The following RAB30 variants were observed in gnomAD, a reference collection of about 807,000 sequenced individuals.
The protein encoded by RAB30 is RAB30, member RAS oncogene family.
RAB30 carries 9 observed loss-of-function variants against 25.1 expected under a neutral mutation model. The ratio of observed to expected loss-of-function variants is 0.36; its 90% CI spans 0.22 to 0.63. The LOEUF (loss-of-function observed/expected upper bound fraction) is 0.63. Among genes scored for constraint, RAB30 ranks in the 20% least tolerant of loss-of-function variants. The pLI is 0.69. For missense variants in RAB30, 140 were observed against 243.5 expected, an observed-to-expected ratio of 0.58 and a Z score of 2.83; for synonymous variants, 77 against 86.4, an observed-to-expected ratio of 0.89 and a Z score of 0.60.
At chr11:83,026,167 G>C (rs939126172) in intron 1 of RAB30, among the ~76,000 whole-genome samples, 1 of 150,142 alleles carries the variant, frequency 6.7e-6, no homozygotes, top group Non-Finnish European at 1.5e-5. Context: ...CTCCCACCTA[G>C]GCTACACAGC....
rs574573169 is a variant in RAB30, at chr11:83,006,458, G to A, written c.-8-9134C>T. Among the ~76,000 whole-genome samples, 69 of 152,244 alleles carry A rather than the reference G, an allele frequency of 4.5e-4. 1 individual carries two copies. Among genetic ancestry groups the A allele is most frequent in the African/African-American group, 1.5e-3 (61 of 41,522 alleles). On this transcript the variant is annotated intron_variant, in intron 1 of 4. Coordinates refer to ENST00000527633, the MANE Select transcript of RAB30 (RefSeq NM_001286060.2). ...TGTGTTTACAGTATGAAGAAAGGGC[G>A]GGGGCATATGATTCTATATCTGTAT...
chr11:82,998,498 A>G (rs1274823878), intron 1 of RAB30, among the ~76,000 whole-genome samples: 1 of 149,988 alleles, frequency 6.7e-6, no homozygotes, highest in Non-Finnish European at 1.5e-5. Context: ...CAGTGAGCCG[A>G]GATCACACCA....
At chr11:83,032,139 C>G (rs1428765461) in intron 1 of RAB30, among the ~76,000 whole-genome samples, 1 of 151,830 alleles carries the variant, frequency 6.6e-6, no homozygotes, top group Non-Finnish European at 1.5e-5. Flanking sequence ...TAGTAGTGAT[C>G]CTTATTTCCT....
Position 82,991,700 on chromosome 11 carries a change from T to C in RAB30, c.177+2339A>G, listed in dbSNP as rs116181971. On this transcript the variant is annotated intron_variant, in intron 3 of 4. Coordinates refer to ENST00000527633, the MANE Select transcript of RAB30 (RefSeq NM_001286060.2). ...CTTGAAAGAATCACAGGCAAGTTGATTTGGACTGGATTTGGGAGATGAGCC... is the reference window on the plus strand; with the variant it reads ...CTTGAAAGAATCACAGGCAAGTTGACTTGGACTGGATTTGGGAGATGAGCC... Among the ~76,000 whole-genome samples, 1,396 of 152,198 alleles carry C rather than the reference T, an allele frequency of 9.2e-3. 14 individuals carry two copies. Among genetic ancestry groups the C allele is most frequent in the Middle Eastern group, 0.044 (13 of 294 alleles).
chr11:83,000,870 T>C (rs1223645120), intron 1 of RAB30, among the ~76,000 whole-genome samples: 1 of 118,204 alleles, frequency 8.5e-6, no homozygotes, highest in Non-Finnish European at 1.7e-5. Context: ...TGAAACCCCG[T>C]CTCTACTAAA....
chr11:83,064,022 T>C (rs1301517829), intron 1 of RAB30, among the ~76,000 whole-genome samples: 7 of 152,228 alleles, frequency 4.6e-5, no homozygotes, highest in Non-Finnish European at 1.5e-5. Flanking sequence ...CATCAAAATC[T>C]AACAGTTGAT....
In RAB30 at chr11:82,982,338, A is replaced by G. The variant is rs1239234790; in HGVS notation, c.439T>C (p.Tyr147His). 3 of 1,614,208 alleles carry G rather than the reference A, an allele frequency of 1.9e-6. No individual in the cohort carries two copies. The highest frequency in any genetic ancestry group is 2.5e-6 in the Non-Finnish European group (3 of 1,180,008). ...TCCTTGGCTGAGGTCTCCAGATAAT[A>G]CATGTCCTGAGCTTCTGAGAATTCT... ...AEEFSEAQDM[Y>H]YLETSAKESD... Residue 147 changes from tyrosine (Y) to histidine (H), a missense_variant, in exon 5 of 5, where the codon TAT (tyrosine) becomes CAT (histidine). Coordinates refer to ENST00000527633, the MANE Select transcript of RAB30 (RefSeq NM_001286060.2).
chr11:82,991,856 C>G (rs1856857561), intron 3 of RAB30, among the ~76,000 whole-genome samples: 2 of 152,078 alleles, frequency 1.3e-5, no homozygotes, highest in African/African-American at 4.8e-5. Context: ...ATGGTGGAGT[C>G]AGATGTTATA....
intron 1 of RAB30, among the ~76,000 whole-genome samples, chr11:83,046,075 T>C (rs1442002456): frequency 1.3e-5 from 2 of 152,216 alleles, no homozygotes; most frequent in African/African-American, 4.8e-5. Context: ...CTTTCTTCAG[T>C]AGTTGTCTGA....
At chr11:83,006,179 A>C (rs1267516013) in intron 1 of RAB30, among the ~76,000 whole-genome samples, 1 of 152,190 alleles carries the variant, frequency 6.6e-6, no homozygotes, top group Non-Finnish European at 1.5e-5. Flanking sequence ...ATTTAAAGCT[A>C]AAAACGCTAT....
In RAB30 at chr11:83,041,562, A is replaced by G. The variant is rs373924737; in HGVS notation, c.-9+30129T>C. The G allele has an allele frequency of 7.8e-5, 14 of 179,472 alleles. No individual in the cohort carries two copies. In the East Asian group the frequency reaches 1.4e-3, roughly 18 times the overall value. 11.1% of individuals were successfully genotyped at this position (179,472 alleles called of 1,614,324 possible). ...TGCAGCTATTGAACACCAGGCCCCA[A>G]AGAGGAAAGGAACTAGGTCGGCTTA... On this transcript the variant is annotated intron_variant, in intron 1 of 4. Coordinates refer to ENST00000527633, the MANE Select transcript of RAB30 (RefSeq NM_001286060.2).
In RAB30 at chr11:82,975,115, G is replaced by C. The variant is rs545287233; in HGVS notation, c.*7050C>G. On this transcript the variant is annotated 3_prime_UTR_variant, in exon 5 of 5. Coordinates refer to ENST00000527633, the MANE Select transcript of RAB30 (RefSeq NM_001286060.2). ...CAGCATTTGAAATTTTCTATCACAG[G>C]GACATGAAAGCCTAAACCGGCCTTA... 4.0e-5 allele frequency: 6 copies of C among 151,804 alleles called. No homozygotes were observed. In the South Asian group the frequency reaches 1.2e-3, roughly 32 times the overall value. The allele number at this position is 151,804 out of a possible 1,614,324, so 9.4% of individuals were successfully genotyped here.
intron 1 of RAB30, among the ~76,000 whole-genome samples, chr11:83,042,172 C>T (rs1389678571): frequency 6.6e-6 from 1 of 152,108 alleles, no homozygotes. Flanking sequence ...ATCCCCATAG[C>T]ACTAAATCAG....
At chr11:83,028,736 A>T (rs982875137) in intron 1 of RAB30, among the ~76,000 whole-genome samples, 3 of 152,254 alleles carry the variant, frequency 2.0e-5, no homozygotes, top group African/African-American at 7.2e-5. Context: ...GATACTTTAA[A>T]GTATACAAGA....
Position 83,032,420 on chromosome 11 carries a change from G to A in RAB30, c.-8-35096C>T, listed in dbSNP as rs73510129. ...GAGGAGGAAAGGGGGTATGATTTCAGGGCAGAGAGTAGACAAACAGCTTCT... is the reference window on the plus strand; with the variant it reads ...GAGGAGGAAAGGGGGTATGATTTCAAGGCAGAGAGTAGACAAACAGCTTCT... On this transcript the variant is annotated intron_variant, in intron 1 of 4. Coordinates refer to ENST00000527633, the MANE Select transcript of RAB30 (RefSeq NM_001286060.2). 4.7e-3 allele frequency among the ~76,000 whole-genome samples: 720 copies of A among 152,306 alleles called. 10 individuals are homozygous for A. Among genetic ancestry groups the A allele is most frequent in the African/African-American group, 0.017 (696 of 41,566 alleles).
intron 1 of RAB30, among the ~76,000 whole-genome samples, chr11:83,053,148 A>G (rs1858390552): frequency 6.6e-6 from 1 of 152,122 alleles, no homozygotes; most frequent in Non-Finnish European, 1.5e-5. Flanking sequence ...CTCCAGAAAT[A>G]GAAACTCTAG....
chr11:82,998,064 C>G (rs1050751503), intron 1 of RAB30, among the ~76,000 whole-genome samples: 1 of 152,060 alleles, frequency 6.6e-6, no homozygotes, highest in African/African-American at 2.4e-5. Flanking sequence ...ACTGATCTTC[C>G]CCAAATAAAG....
chr11:82,984,718 C>T (rs1029006344), intron 4 of RAB30, among the ~76,000 whole-genome samples: 7 of 152,150 alleles, frequency 4.6e-5, no homozygotes, highest in African/African-American at 9.7e-5. Flanking sequence ...CCTAACACCT[C>T]GGTTGTGGCC....
chr11:83,055,904 G>A (rs902015480), intron 1 of RAB30, among the ~76,000 whole-genome samples: 1 of 132,104 alleles, frequency 7.6e-6, no homozygotes, highest in African/African-American at 2.9e-5. Flanking sequence ...CCTGGATCTT[G>A]GACTTTTCCA....
Sources: allele counts gnomAD v4.1 joint callset (sites outside exome capture counted in the v4.1 genomes callset), GRCh38; gene constraint gnomAD v4.1.1; transcripts MANE v1.5; gene names NCBI Gene and HGNC (gene_info 2026-07-23, HGNC 2026-07-21).